The following TENM2 variants were observed in gnomAD, a reference collection of about 807,000 sequenced individuals.
TENM2 encodes the protein teneurin transmembrane protein 2, also known as teneurin-2.
TENM2 carries 52 observed loss-of-function variants against 245.2 expected under a neutral mutation model. That is an observed-to-expected ratio of 0.21 (90% CI 0.17 to 0.27). The LOEUF (loss-of-function observed/expected upper bound fraction) is 0.27, where lower values mean the gene tolerates loss of function less well. TENM2 is among the 10% of genes least tolerant of loss of function. The pLI is 1.00. For missense variants in TENM2, 3,046 were observed against 3,666.8 expected, an observed-to-expected ratio of 0.83 and a Z score of 4.37; for synonymous variants, 1,363 against 1,438.9, an observed-to-expected ratio of 0.95 and a Z score of 1.19.
At chr5:168,038,696 G>A (rs1161105743) in intron 5 of TENM2, among the ~76,000 whole-genome samples, 1 of 152,238 alleles carries the variant, frequency 6.6e-6, no homozygotes, top group Non-Finnish European at 1.5e-5. Context: ...GCAGAAATGT[G>A]AACCCTGATT....
chr5:167,712,574 A>G (rs1262477876), intron 2 of TENM2, among the ~76,000 whole-genome samples: 1 of 152,184 alleles, frequency 6.6e-6, no homozygotes, highest in African/African-American at 2.4e-5. Context: ...GGGAAGAACT[A>G]TCTGAGACAC....
At chr5:167,155,136 A>G in the TENM2 span, among the ~76,000 whole-genome samples, 2 of 152,240 alleles carry the variant, frequency 1.3e-5, no homozygotes, top group Non-Finnish European at 1.5e-5. Context: ...ATTCACCAAC[A>G]TGTATACTGA....
chr5:168,161,817 T>TACACAC (rs113801768), intron 12 of TENM2, among the ~76,000 whole-genome samples: 16,164 of 146,960 alleles, frequency 0.11, 1,654 homozygotes, highest in African/African-American at 0.27. Flanking sequence ...AGCGCATGTA[T>TACACAC]ACACACACAC....
chr5:167,903,990 T>C (rs903381268), intron 3 of TENM2, among the ~76,000 whole-genome samples: 18 of 152,150 alleles, frequency 1.2e-4, no homozygotes, highest in African/African-American at 4.3e-4. Context: ...GGGGGACTAG[T>C]TAGGAGGCTG....
At chr5:167,765,462 G>GT (rs1329361543) in intron 2 of TENM2, among the ~76,000 whole-genome samples, 1 of 152,144 alleles carries the variant, frequency 6.6e-6, no homozygotes, top group Non-Finnish European at 1.5e-5. Flanking sequence ...GGATGTCAGT[G>GT]TTAAATCTGC....
chr5:167,732,956 G>A (rs1439521129), intron 2 of TENM2, among the ~76,000 whole-genome samples: 1 of 152,126 alleles, frequency 6.6e-6, no homozygotes, highest in Non-Finnish European at 1.5e-5. Flanking sequence ...GATGGTGCAA[G>A]GTCGATAGAG....
rs549702273 is a variant in TENM2 at position 167,760,358 on chromosome 5, GA to G, written c.503-115625del. Among the ~76,000 whole-genome samples the G allele has an allele frequency of 2.6e-5, 4 of 152,298 alleles. No homozygotes were observed. The South Asian group carries it at 8.3e-4, about 32-fold the overall frequency. On this transcript the variant is annotated intron_variant, in intron 2 of 28. Coordinates refer to ENST00000518659, the Ensembl canonical transcript of TENM2. ...CTGTTATTACTTTAGGTCAGGCAAG[GA>G]AAGAATTTAATACACTGTTGGAAGG... is the stretch of plus-strand genomic sequence containing the variant.
At chr5:168,094,203 T>G (rs1236405706) in intron 8 of TENM2, among the ~76,000 whole-genome samples, 1 of 152,070 alleles carries the variant, frequency 6.6e-6, no homozygotes, top group Non-Finnish European at 1.5e-5. Flanking sequence ...TTGAGGAAAG[T>G]GAGGAAAACA....
chr5:168,181,931 C>T (rs1351630879), intron 13 of TENM2, among the ~76,000 whole-genome samples: 1 of 151,662 alleles, frequency 6.6e-6, no homozygotes, highest in East Asian at 1.9e-4. Flanking sequence ...CCTGCCTCAG[C>T]CGCCCGAACT....
intron 15 of TENM2, among the ~76,000 whole-genome samples, chr5:168,196,615 C>T (rs1761450488): frequency 6.6e-6 from 1 of 152,190 alleles, no homozygotes; most frequent in Admixed American, 6.5e-5. Flanking sequence ...GCACCCGCCA[C>T]CACGCCCAGC....
At chr5:167,717,805 C>G (rs76070956) in intron 2 of TENM2, among the ~76,000 whole-genome samples, 132 of 152,296 alleles carry the variant, frequency 8.7e-4, no homozygotes, top group African/African-American at 2.9e-3. Flanking sequence ...ACTGTAACCT[C>G]TGTGGGGTAG....
intron 1 of TENM2, among the ~76,000 whole-genome samples, chr5:167,374,904 G>T (rs931683767): frequency 6.6e-6 from 1 of 152,102 alleles, no homozygotes; most frequent in Non-Finnish European, 1.5e-5. Flanking sequence ...TACGTTCCGG[G>T]TTTTTTCAGC....
chr5:168,013,347 T>TA (rs578172303), intron 5 of TENM2, among the ~76,000 whole-genome samples: 244 of 152,308 alleles, frequency 1.6e-3, no homozygotes, highest in African/African-American at 5.5e-3. Context: ...CTCACACCTG[T>TA]AATCCTAGCA....
rs34227363 is a variant in TENM2 at position 167,597,165 on chromosome 5, C to CTTTT, written c.502+221706_502+221709dup. On this transcript the variant is annotated intron_variant, in intron 2 of 28. Transcript: ENST00000518659. Reference sequence around the variant, plus strand: ...TATTTCTTTTCTTTTCTTTTCTTTTCTTTTTTTTTTTTTTTTTGAGACAAA... The same window carrying CTTTT: ...TATTTCTTTTCTTTTCTTTTCTTTTCTTTTTTTTTTTTTTTTTTTTTGAGACAAA... 3.5e-3 allele frequency among the ~76,000 whole-genome samples: 189 copies of CTTTT among 53,778 alleles called. 3 individuals carry two copies. The East Asian group carries it at 0.035, about 10-fold the overall frequency. 35.3% of individuals were successfully genotyped at this position (53,778 alleles called of 152,430 possible).
At chr5:167,117,010 A>G in the TENM2 span, among the ~76,000 whole-genome samples, 1 of 152,206 alleles carries the variant, frequency 6.6e-6, no homozygotes, top group Admixed American at 6.5e-5. Flanking sequence ...AATTTAACCC[A>G]CTAAATCCAG....
At chr5:167,670,002 C>A (rs1205500382) in intron 2 of TENM2, among the ~76,000 whole-genome samples, 1 of 152,040 alleles carries the variant, frequency 6.6e-6, no homozygotes, top group African/African-American at 2.4e-5. Flanking sequence ...AGGTTTAGCT[C>A]CCTGCATGTG....
chr5:167,341,231 AG>A (rs1758081745), intron 1 of TENM2, among the ~76,000 whole-genome samples: 1 of 152,186 alleles, frequency 6.6e-6, no homozygotes, highest in African/African-American at 2.4e-5. Context: ...AAATTAGAGA[AG>A]GGGATTTTAT....
At chr5:167,178,694 A>G in the TENM2 span, among the ~76,000 whole-genome samples, 1 of 152,126 alleles carries the variant, frequency 6.6e-6, no homozygotes, top group South Asian at 2.1e-4. Context: ...AATGGATAAA[A>G]GCGTGTTTTG....
intron 12 of TENM2, among the ~76,000 whole-genome samples, chr5:168,144,790 C>T (rs1368940381): frequency 6.6e-6 from 1 of 152,162 alleles, no homozygotes; most frequent in African/African-American, 2.4e-5. Flanking sequence ...GTTTACACTC[C>T]CACCAACAGT....
Sources: gnomAD v4.1 joint callset for allele counts (sites outside exome capture counted in the v4.1 genomes callset) on GRCh38, gnomAD v4.1.1 for gene constraint, MANE v1.5 for transcripts, NCBI Gene and HGNC (gene_info 2026-07-23, HGNC 2026-07-21) for gene names.